NEO1: variants seen among roughly 807,000 people sequenced by gnomAD.
NEO1 encodes neogenin.
Under a neutral mutation model 159.7 loss-of-function variants are expected in NEO1, and 63 were observed. The observed-to-expected ratio is 0.39, with a 90% CI of 0.32 to 0.49. The LOEUF (loss-of-function observed/expected upper bound fraction) is 0.49. NEO1 is among the 20% of genes least tolerant of loss of function. The pLI is 0.85. For synonymous variants in NEO1, 633 were observed against 662.0 expected (o/e 0.96, Z 0.67); for missense variants, 1,615 against 1,831.0 (o/e 0.88, Z 2.15).
intron 4 of NEO1, among the ~76,000 whole-genome samples, chr15:73,131,750 C>T (rs544342960): frequency 3.9e-5 from 6 of 152,254 alleles, no homozygotes; most frequent in African/African-American, 1.4e-4. Flanking sequence ...AATGGATTTC[C>T]GTTGTTCTTA....
intron 1 of NEO1, among the ~76,000 whole-genome samples, chr15:73,094,181 G>A: frequency 6.6e-6 from 1 of 152,050 alleles, no homozygotes; most frequent in East Asian, 1.9e-4. Context: ...ATCAATTTTA[G>A]AACATTTTCA....
intron 1 of NEO1, among the ~76,000 whole-genome samples, chr15:73,110,176 G>A (rs375111292): frequency 5.3e-5 from 8 of 152,264 alleles, no homozygotes; most frequent in African/African-American, 1.9e-4. Context: ...GTAGGATTTG[G>A]AGACTGACGA....
At chr15:73,171,612 C>CCATTAT (rs2034968544) in intron 5 of NEO1, among the ~76,000 whole-genome samples, 2 of 139,012 alleles carry the variant, frequency 1.4e-5, no homozygotes, top group African/African-American at 5.3e-5. Context: ...TATTAAGAAA[C>CCATTAT]TATTATTATT....
At chr15:73,064,282 G>C (rs2068104375) in intron 1 of NEO1, among the ~76,000 whole-genome samples, 1 of 152,192 alleles carries the variant, frequency 6.6e-6, no homozygotes, top group Admixed American at 6.5e-5. Context: ...TTCTGGAGCT[G>C]AGCTCAGCTG....
intron 7 of NEO1, among the ~76,000 whole-genome samples, chr15:73,191,949 A>G (rs2036258505): frequency 1.3e-5 from 2 of 152,198 alleles, no homozygotes; most frequent in East Asian, 1.9e-4. Context: ...AAAATTCTAT[A>G]TGGCATATAC....
chr15:73,082,205 C>G (rs547505357), intron 1 of NEO1, among the ~76,000 whole-genome samples: 20 of 152,294 alleles, frequency 1.3e-4, no homozygotes, highest in Non-Finnish European at 2.4e-4. Context: ...ATAATGGATT[C>G]TTGCCTTTGT....
Position 73,222,719 on chromosome 15 carries a change from T to G in NEO1, c.1292-13628T>G, listed in dbSNP as rs1038751709. 9.2e-5 allele frequency among the ~76,000 whole-genome samples: 14 copies of G among 152,204 alleles called. 1 individual carries two copies. Among genetic ancestry groups the G allele is most frequent in the Admixed American group, 8.5e-4 (13 of 15,280 alleles). On this transcript the variant is annotated intron_variant, in intron 7 of 28. Coordinates refer to ENST00000261908, the MANE Select transcript of NEO1 (RefSeq NM_002499.4). ...GAACCATAAATAAATTGTTCTTTGA[T>G]GTAAACCAAAATAAATTTTAATTTA...
At chr15:73,105,807 C>T (rs2070660341) in intron 1 of NEO1, among the ~76,000 whole-genome samples, 1 of 152,154 alleles carries the variant, frequency 6.6e-6, no homozygotes, top group Admixed American at 6.6e-5. Flanking sequence ...CTGCTTATTG[C>T]ATCTCATCAG....
chr15:73,157,531 A>G (rs1371717768), intron 5 of NEO1, among the ~76,000 whole-genome samples: 1 of 152,180 alleles, frequency 6.6e-6, no homozygotes, highest in Non-Finnish European at 1.5e-5. Context: ...GGAAACATGG[A>G]CTGCAGAAAT....
At chr15:73,072,241 G>A (rs769588014) in intron 1 of NEO1, among the ~76,000 whole-genome samples, 2 of 147,572 alleles carry the variant, frequency 1.4e-5, no homozygotes, top group East Asian at 1.9e-4. Flanking sequence ...GTGAGCCACC[G>A]TGCCCAGCCA....
chr15:73,301,553 C>T, intron 28 of NEO1, 96 bp downstream of exon 28: 1 of 1,516,650 alleles, frequency 6.6e-7, no homozygotes. Flanking sequence ...GCATACCAGG[C>T]CCGCCACCCA....
At chr15:73,066,279 A>C (rs1045689917) in intron 1 of NEO1, among the ~76,000 whole-genome samples, 1 of 148,824 alleles carries the variant, frequency 6.7e-6, no homozygotes, top group Non-Finnish European at 1.5e-5. Context: ...TCGGCCTCCC[A>C]AAGTGCTGGG....
intron 4 of NEO1, among the ~76,000 whole-genome samples, chr15:73,135,463 TTA>T (rs2031645192): frequency 6.6e-6 from 1 of 152,220 alleles, no homozygotes; most frequent in Non-Finnish European, 1.5e-5. Context: ...TTTGCCCTCT[TTA>T]TGTTTTCTTT....
At chr15:73,053,669 A>G (rs1240872776) in intron 1 of NEO1, among the ~76,000 whole-genome samples, 2 of 152,192 alleles carry the variant, frequency 1.3e-5, no homozygotes, top group Non-Finnish European at 2.9e-5. Flanking sequence ...GGACCAACGA[A>G]CAAAAATGCC....
At chr15:73,286,261 C>T (rs1596601505) in intron 23 of NEO1, among the ~76,000 whole-genome samples, 1 of 152,194 alleles carries the variant, frequency 6.6e-6, no homozygotes, top group African/African-American at 2.4e-5. Flanking sequence ...TCACCAGCGA[C>T]CTGTGTATTG....
chr15:73,102,668 C>A (rs2070468313), intron 1 of NEO1, among the ~76,000 whole-genome samples: 1 of 152,156 alleles, frequency 6.6e-6, no homozygotes, highest in Non-Finnish European at 1.5e-5. Context: ...TGTCCTCTGA[C>A]CTCTGTGGCC....
intron 1 of NEO1, among the ~76,000 whole-genome samples, chr15:73,075,725 C>G (rs2068738900): frequency 1.3e-5 from 2 of 152,126 alleles, no homozygotes; most frequent in Non-Finnish European, 2.9e-5. Flanking sequence ...TCTGCCCAAT[C>G]AGTTGAGCCA....
At chr15:73,228,000 GAA>G (rs1275725569) in intron 7 of NEO1, among the ~76,000 whole-genome samples, 21 of 152,210 alleles carry the variant, frequency 1.4e-4, no homozygotes, top group African/African-American at 4.3e-4. Flanking sequence ...GCTGTTGAAA[GAA>G]AGACTGGATA....
chr15:73,181,543 G>A (rs768116586), intron 7 of NEO1, among the ~76,000 whole-genome samples: 1 of 152,164 alleles, frequency 6.6e-6, no homozygotes, highest in Non-Finnish European at 1.5e-5. Flanking sequence ...CTCCTGGGGA[G>A]GCCTCAGGAA....
Sources: gnomAD v4.1 joint callset for allele counts (sites outside exome capture counted in the v4.1 genomes callset) on GRCh38, gnomAD v4.1.1 for gene constraint, MANE v1.5 for transcripts, NCBI Gene and HGNC (gene_info 2026-07-23, HGNC 2026-07-21) for gene names.